The following GSTA4 variants were observed in gnomAD, a reference collection of about 807,000 sequenced individuals.
The protein encoded by GSTA4 is glutathione S-transferase alpha 4.
GSTA4 carries 15 observed loss-of-function variants against 24.4 expected under a neutral mutation model. The observed-to-expected ratio is 0.61, with a 90% CI of 0.41 to 0.95. GSTA4 has a LOEUF of 0.95. Among genes scored for constraint, GSTA4 ranks in the 40% least tolerant of loss-of-function variants. The probability of loss-of-function intolerance (pLI) is 0.00; values close to 1 mark genes in which losing one functional copy is unlikely to be tolerated. For synonymous variants in GSTA4, 92 were observed against 94.2 expected (o/e 0.98, Z 0.13); for missense variants, 244 against 262.1 (o/e 0.93, Z 0.48).
intron 2 of GSTA4, among the ~76,000 whole-genome samples, chr6:52,989,469 A>G (rs776816518): frequency 1.3e-5 from 2 of 152,178 alleles, no homozygotes; most frequent in Non-Finnish European, 2.9e-5. Flanking sequence ...CTTTGAAACA[A>G]TTCAGAAAAA....
At chr6:52,980,577 T>C (rs1401829136) in intron 6 of GSTA4, among the ~76,000 whole-genome samples, 7 of 152,202 alleles carry the variant, frequency 4.6e-5, no homozygotes, top group African/African-American at 1.7e-4. Context: ...GTGCTGGGAT[T>C]ACAGGTGTGA....
chr6:52,981,437 T>C (rs918258548), intron 6 of GSTA4, among the ~76,000 whole-genome samples: 10 of 152,274 alleles, frequency 6.6e-5, no homozygotes, highest in Admixed American at 2.0e-4. Flanking sequence ...GGCCATATGG[T>C]CTCTATCAGA....
In GSTA4 at chr6:52,978,131, G is replaced by A. The variant is rs1313940381; in HGVS notation, c.*339C>T. On this transcript the variant is annotated 3_prime_UTR_variant, in exon 7 of 7. Coordinates refer to ENST00000370963, the MANE Select transcript of GSTA4 (RefSeq NM_001512.4). ...AACAGGATAAGGAGAGCAGAAAGAC[G>A]CTCAGGAGAGTAGAAAGACACTCAG... 3 of 243,444 alleles carry A rather than the reference G, an allele frequency of 1.2e-5. No individual in the cohort carries two copies. Among genetic ancestry groups the A allele is most frequent in the South Asian group, 5.7e-5 (1 of 17,550 alleles). 15.1% of individuals were successfully genotyped at this position (243,444 alleles called of 1,614,324 possible). A position where few individuals can be genotyped will look rare whatever the true frequency, so the allele number is the denominator to read the frequency against.
chr6:52,980,816 A>G (rs1472410405), intron 6 of GSTA4, among the ~76,000 whole-genome samples: 1 of 152,178 alleles, frequency 6.6e-6, no homozygotes, highest in Non-Finnish European at 1.5e-5. Flanking sequence ...TAATGTTTCC[A>G]AGCTGGTAAT....
chr6:52,984,991 CATTAAATCACATGACACTATGA>C (rs1763525996), intron 4 of GSTA4, among the ~76,000 whole-genome samples: 1 of 152,182 alleles, frequency 6.6e-6, no homozygotes, highest in Admixed American at 6.5e-5. Context: ...TCCATTATCT[CATTAAATCACATGACACTATGA>C]GAAATGTACT....
intron 6 of GSTA4, among the ~76,000 whole-genome samples, chr6:52,979,755 G>A (rs965515899): frequency 2.0e-5 from 3 of 152,058 alleles, no homozygotes; most frequent in Non-Finnish European, 1.5e-5. Context: ...ACATACATAC[G>A]TCACTAATAG....
At chr6:52,979,563 A>G (rs1763411067) in intron 6 of GSTA4, among the ~76,000 whole-genome samples, 1 of 152,254 alleles carries the variant, frequency 6.6e-6, no homozygotes, top group African/African-American at 2.4e-5. Flanking sequence ...CATTTGATCT[A>G]ATGAAAAATC....
chr6:52,994,597 A>G (rs1763730194), intron 1 of GSTA4, among the ~76,000 whole-genome samples: 1 of 152,176 alleles, frequency 6.6e-6, no homozygotes, highest in Non-Finnish European at 1.5e-5. Flanking sequence ...AGATTTTCCA[A>G]ATTCAGCTGG....
At chr6:52,994,796 G>GC (rs1235602261) in intron 1 of GSTA4, among the ~76,000 whole-genome samples, 8 of 152,034 alleles carry the variant, frequency 5.3e-5, no homozygotes, top group Non-Finnish European at 1.0e-4. Context: ...CGGTGGCTGC[G>GC]CCCCCCGGGT....
chr6:52,989,320 T>C (rs1445900611), intron 2 of GSTA4, among the ~76,000 whole-genome samples: 2 of 152,216 alleles, frequency 1.3e-5, no homozygotes, highest in Non-Finnish European at 2.9e-5. Flanking sequence ...ACTTTCCTAA[T>C]AAACTTGCTT....
chr6:52,993,940 C>G, intron 2 of GSTA4: 1 of 649,992 alleles, frequency 1.5e-6, no homozygotes. Context: ...GATCAGAAGC[C>G]AATAATTAAG....
intron 6 of GSTA4, among the ~76,000 whole-genome samples, chr6:52,979,856 T>C (rs1213298568): frequency 6.6e-6 from 1 of 152,254 alleles, no homozygotes; most frequent in Non-Finnish European, 1.5e-5. Flanking sequence ...ACTTGTATGA[T>C]TTTAAATATT....
At chr6:52,992,334 G>C (rs1314183354) in intron 2 of GSTA4, among the ~76,000 whole-genome samples, 1 of 152,144 alleles carries the variant, frequency 6.6e-6, no homozygotes, top group Admixed American at 6.5e-5. Context: ...GAAATGAGTG[G>C]AGATAAATCT....
intron 3 of GSTA4, 95 bp from the exon 4 acceptor site, chr6:52,985,678 C>G (rs1215862614): frequency 1.6e-6 from 2 of 1,256,030 alleles, no homozygotes; most frequent in Non-Finnish European, 2.3e-6. Flanking sequence ...ACGGTGGAAT[C>G]ATGGCCTTAG....
chr6:52,986,684 G>A (rs1763567335), intron 3 of GSTA4, among the ~76,000 whole-genome samples: 1 of 152,184 alleles, frequency 6.6e-6, no homozygotes, highest in African/African-American at 2.4e-5. Flanking sequence ...CATGCCTAGT[G>A]GCTTCCAGCC....
chr6:52,978,519 G>T lies in GSTA4; in HGVS notation c.620C>A (p.Pro207His), dbSNP rs1312051941. 6.2e-7 allele frequency: 1 copy of T among 1,612,910 alleles called. No individual in the cohort carries two copies. Among genetic ancestry groups the T allele is most frequent in the South Asian group, 1.1e-5 (1 of 91,008 alleles). Residue 207 changes from proline to histidine, a missense_variant, in exon 7 of 7, where the codon CCC becomes CAC. Pro to His is a moderately conservative substitution (Grantham distance 77). Coordinates refer to ENST00000370963, the MANE Select transcript of GSTA4 (RefSeq NM_001512.4). ...FLEPGSKKKP[P>H]PDEIYVRTVY... ...GGTTCTCACATAAATTTCATCAGGG[G>T]GAGGCTTCTTCTTGCTGCCAGGTTC...
chr6:52,986,325 A>G (rs576091723), intron 3 of GSTA4, among the ~76,000 whole-genome samples: 7 of 152,378 alleles, frequency 4.6e-5, no homozygotes, highest in Non-Finnish European at 1.0e-4. Context: ...AGTGGCTACC[A>G]TATTGGACAA....
chr6:52,991,763 T>G (rs1763666247), intron 2 of GSTA4, among the ~76,000 whole-genome samples: 1 of 150,464 alleles, frequency 6.6e-6, no homozygotes, highest in Non-Finnish European at 1.5e-5. Context: ...TACCTTTTTT[T>G]TTTTTTTTTT....
chr6:52,983,473 G>C (rs1479510506), intron 5 of GSTA4, among the ~76,000 whole-genome samples: 1 of 152,206 alleles, frequency 6.6e-6, no homozygotes, highest in African/African-American at 2.4e-5. Context: ...AGCTACTGGA[G>C]CCAGAGTGGC....
Sources: allele counts gnomAD v4.1 joint callset (sites outside exome capture counted in the v4.1 genomes callset), GRCh38; gene constraint gnomAD v4.1.1; transcripts MANE v1.5; gene names NCBI Gene and HGNC (gene_info 2026-07-23, HGNC 2026-07-21).